Variants in DLC1 observed in about 807,000 individuals in gnomAD.
DLC1 encodes rho GTPase-activating protein 7.
Under a neutral mutation model 140.3 loss-of-function variants are expected in DLC1, and 54 were observed. The observed-to-expected ratio is 0.38, with a 90% CI of 0.31 to 0.48. DLC1 has a LOEUF of 0.48. DLC1 is among the 20% of genes least tolerant of loss of function. The probability of loss-of-function intolerance (pLI) is 0.96; values close to 1 mark genes in which losing one functional copy is unlikely to be tolerated. For synonymous variants in DLC1, 986 were observed against 728.1 expected (o/e 1.35, Z -5.70); for missense variants, 2,536 against 1,907.0 (o/e 1.33, Z -6.14).
intron 4 of DLC1, among the ~76,000 whole-genome samples, chr8:13,320,975 G>C (rs78305654): frequency 1.7e-3 from 253 of 152,294 alleles, no homozygotes; most frequent in African/African-American, 4.7e-3. Flanking sequence ...ACCAGTGGAA[G>C]AGCCTGAGGC....
At chr8:13,175,427 C>T (rs938100869) in intron 5 of DLC1, among the ~76,000 whole-genome samples, 2 of 151,426 alleles carry the variant, frequency 1.3e-5, no homozygotes, top group African/African-American at 4.9e-5. Flanking sequence ...ATAGAAATAG[C>T]ACTGAATCTG....
At chr8:13,443,348 A>G (rs1798625327) in intron 2 of DLC1, among the ~76,000 whole-genome samples, 1 of 150,200 alleles carries the variant, frequency 6.7e-6, no homozygotes, top group Non-Finnish European at 1.5e-5. Flanking sequence ...AAACTTAAAA[A>G]AAAAAAAAAA....
At chr8:13,118,855 TC>T (rs1820796893) in intron 5 of DLC1, among the ~76,000 whole-genome samples, 2 of 152,184 alleles carry the variant, frequency 1.3e-5, no homozygotes, top group South Asian at 4.1e-4. Flanking sequence ...TGTCCATCAA[TC>T]CTGGCTCATC....
chr8:13,297,698 C>A (rs1832021122), intron 5 of DLC1, among the ~76,000 whole-genome samples: 1 of 152,202 alleles, frequency 6.6e-6, no homozygotes, highest in African/African-American at 2.4e-5. Flanking sequence ...CAGAGTCTTT[C>A]CAAAGAGAAG....
chr8:13,248,301 C>A (rs1829851331), intron 5 of DLC1, among the ~76,000 whole-genome samples: 1 of 152,214 alleles, frequency 6.6e-6, no homozygotes, highest in South Asian at 2.1e-4. Context: ...CTATTGGAGA[C>A]TTGGCTTCCC....
At chr8:13,108,495 G>T (rs1819782345) in intron 7 of DLC1, among the ~76,000 whole-genome samples, 1 of 152,226 alleles carries the variant, frequency 6.6e-6, no homozygotes, top group Middle Eastern at 3.4e-3. Flanking sequence ...TTCTCAAAAG[G>T]TACTCAGAGC....
intron 2 of DLC1, among the ~76,000 whole-genome samples, chr8:13,474,131 G>C (rs548119704): frequency 5.9e-5 from 9 of 152,280 alleles, no homozygotes; most frequent in Admixed American, 4.6e-4. Context: ...ATGGTTTTGT[G>C]GGCCAGGCCC....
intron 2 of DLC1, among the ~76,000 whole-genome samples, chr8:13,438,472 C>T (rs906901984): frequency 2.0e-5 from 3 of 152,166 alleles, no homozygotes. Context: ...AGTCAGTTCA[C>T]GTTACTTCTC....
chr8:13,092,789 G>A lies in DLC1; in HGVS notation c.3563C>T (p.Ala1188Val). 1 of 1,614,012 alleles carries A rather than the reference G, an allele frequency of 6.2e-7. No individual in the cohort carries two copies. The highest frequency in any genetic ancestry group is 8.5e-7 in the Non-Finnish European group (1 of 1,179,954). Residue 1188 changes from alanine (A) to valine (V), a missense_variant, in exon 13 of 18, where the codon GCT becomes GTT. Transcript: ENST00000276297. The stretch of plus-strand genomic sequence containing the variant: ...CTCGTCAGGCAGCAGCATGATGGCA[G>A]CCTTGATGGCCTGCAGGCGCTGGTC... ...PKDQRLQAIK[A>V]AIMLLPDENR...
At chr8:13,347,384 C>G (rs964737887) in intron 4 of DLC1, among the ~76,000 whole-genome samples, 5 of 152,168 alleles carry the variant, frequency 3.3e-5, no homozygotes, top group African/African-American at 1.2e-4. Flanking sequence ...AACATATCAT[C>G]GCTAGAGCTC....
chr8:13,400,733 A>G (rs1837257595), intron 3 of DLC1, among the ~76,000 whole-genome samples: 1 of 152,180 alleles, frequency 6.6e-6, no homozygotes, highest in African/African-American at 2.4e-5. Flanking sequence ...CACAAATAAT[A>G]GATGAGTTGA....
At chr8:13,567,686 A>G (rs1347160353) in intron 1 of DLC1, 1 of 1,552,000 alleles carries the variant, frequency 6.4e-7, no homozygotes, top group Non-Finnish European at 8.7e-7. Context: ...GAGAGAATAG[A>G]TGAACATCTT....
At chr8:13,386,663 C>T (rs1563304419) in intron 4 of DLC1, among the ~76,000 whole-genome samples, 1 of 151,822 alleles carries the variant, frequency 6.6e-6, no homozygotes, top group Admixed American at 6.6e-5. Context: ...TTTCAAAGTC[C>T]AAAATTAATG....
intron 5 of DLC1, among the ~76,000 whole-genome samples, chr8:13,261,456 A>G (rs921938761): frequency 6.6e-6 from 1 of 152,054 alleles, no homozygotes; most frequent in Non-Finnish European, 1.5e-5. Context: ...AGGGAAAGAT[A>G]TTGGAGGGTT....
chr8:13,167,616 A>C (rs1200570651), intron 5 of DLC1, among the ~76,000 whole-genome samples: 1 of 152,204 alleles, frequency 6.6e-6, no homozygotes, highest in East Asian at 1.9e-4. Context: ...GCTATGTGAA[A>C]GGCACCTGCA....
At chr8:13,353,402 G>T (rs77336274) in intron 4 of DLC1, 7 of 152,182 alleles carry the variant, frequency 4.6e-5, no homozygotes, top group Non-Finnish European at 1.0e-4. Context: ...CAGGCCAGGC[G>T]TTCTGGTTGG....
At position 13,554,051 on chromosome 8, in the gene DLC1, C is replaced by T. The variant is rs1803958678; in HGVS notation, c.-126+50486G>A. 2.6e-5 allele frequency among the ~76,000 whole-genome samples: 4 copies of T among 151,938 alleles called. No homozygotes were observed. The South Asian group carries it at 8.3e-4, about 31-fold the overall frequency. On this transcript the variant is annotated intron_variant, in intron 1 of 1. Coordinates refer to the DLC1 transcript ENST00000631382. ...TGTCATTTCCTCCCATGGCTATATGCTCATCACTTTTTGTTTGCTTGTTTT... is the reference window on the plus strand; with the variant it reads ...TGTCATTTCCTCCCATGGCTATATGTTCATCACTTTTTGTTTGCTTGTTTT...
chr8:13,256,686 A>G (rs1830241482), intron 5 of DLC1, among the ~76,000 whole-genome samples: 1 of 152,208 alleles, frequency 6.6e-6, no homozygotes, highest in Middle Eastern at 3.4e-3. Flanking sequence ...GAACACATGG[A>G]CACAGGGAGG....
At chr8:13,423,985 T>C (rs2117358709) in intron 2 of DLC1, among the ~76,000 whole-genome samples, 1 of 152,186 alleles carries the variant, frequency 6.6e-6, no homozygotes, top group East Asian at 1.9e-4. Flanking sequence ...GTAATCCAAA[T>C]GTGCATTTTA....
Sources: allele counts gnomAD v4.1 joint callset (sites outside exome capture counted in the v4.1 genomes callset), GRCh38; gene constraint gnomAD v4.1.1; transcripts MANE v1.5; gene names NCBI Gene and HGNC (gene_info 2026-07-23, HGNC 2026-07-21).